Variants in AKTIP observed in about 807,000 individuals in gnomAD.
AKTIP encodes the protein AKT-interacting protein.
A neutral mutation model predicts 39.1 loss-of-function variants in AKTIP; 16 were observed. The observed-to-expected ratio is 0.41, with a 90% confidence interval of 0.28 to 0.62. The LOEUF (loss-of-function observed/expected upper bound fraction) is 0.62, where lower values mean the gene tolerates loss of function less well. Ranked by LOEUF, AKTIP falls within the 20% of genes least tolerant of loss-of-function variation. The pLI, the probability that AKTIP is intolerant of heterozygous loss-of-function variation, is 0.32. For synonymous variants in AKTIP, 93 were observed against 124.3 expected (o/e 0.75, Z 1.67); for missense variants, 262 against 356.6 (o/e 0.73, Z 2.14).
At chr16:53,503,985 G>A (rs903203639), upstream of AKTIP, among the ~76,000 whole-genome samples, 3 of 152,158 alleles carry the variant, frequency 2.0e-5, no homozygotes, top group African/African-American at 4.8e-5. Flanking sequence ...CTGGGGGGAG[G>A]GGGGAGGCTG....
At position 53,494,761 on chromosome 16, in the gene AKTIP, T is replaced by C. The variant is rs542837403; in HGVS notation, c.415-156A>G. On this transcript the variant is annotated intron_variant, in intron 5 of 9. Coordinates refer to ENST00000394657, the MANE Select transcript of AKTIP (RefSeq NM_022476.4). ...AGGGCTACTTAACTACTTTTACCAT[T>C]TTCCTGAAAAACTAAATTTTGCAAT... 1.9e-4 allele frequency: 150 copies of C among 798,042 alleles called. No individual in the cohort carries two copies. The African/African-American group carries it at 2.5e-3, about 13-fold the overall frequency. 49.4% of individuals were successfully genotyped at this position (798,042 alleles called of 1,614,324 possible).
At position 53,497,408 on chromosome 16, in the gene AKTIP, G is replaced by C. The variant is rs190662088; in HGVS notation, c.248+983C>G. On this transcript the variant is annotated intron_variant, in intron 3 of 9. Transcript: ENST00000394657. ...TAGAATTGCTAAGTCCTGCCTTTGG[G>C]GGTCATACAGAATAAGATCCTTCCT... is the stretch of plus-strand genomic sequence containing the variant. Among the ~76,000 whole-genome samples the C allele has an allele frequency of 1.1e-4, 17 of 152,252 alleles. No homozygotes were observed. The East Asian group carries it at 3.3e-3, about 29-fold the overall frequency.
intron 1 of AKTIP, among the ~76,000 whole-genome samples, chr16:53,502,227 G>C (rs1962209258): frequency 6.6e-6 from 1 of 152,224 alleles, no homozygotes. Context: ...GTTTCCAGCA[G>C]CAACATAATC....
In AKTIP at chr16:53,498,533, G is replaced by T; in HGVS notation, c.106C>A (p.Pro36Thr). 1 of 1,614,088 alleles carries T rather than the reference G, an allele frequency of 6.2e-7. No individual in the cohort carries two copies. The highest frequency in any genetic ancestry group is 8.5e-7 in the Non-Finnish European group (1 of 1,179,944). Reference protein sequence around the residue: ...DVKTSPPRTAPKKQLPSIPKN... With the variant: ...DVKTSPPRTATKKQLPSIPKN... ...GGAATAGAAGGCAGCTGTTTCTTTG[G>T]TGCAGTTCGTGGAGGACTGGTTTTC... Residue 36 changes from proline to threonine, a missense_variant, in exon 3 of 10, where the codon CCA (proline) becomes ACA (threonine). By Grantham distance (38) the Pro-to-Thr change is conservative. Transcript: ENST00000394657.
chr16:53,493,607 G>A (rs930751716), intron 8 of AKTIP: 1 of 155,430 alleles, frequency 6.4e-6, no homozygotes, highest in Non-Finnish European at 1.4e-5. Context: ...GCCTGGCCAT[G>A]AGTCCAAGCT....
chr16:53,502,866 G>C (rs926773756), intron 1 of AKTIP: 6 of 152,070 alleles, frequency 3.9e-5, no homozygotes, highest in Non-Finnish European at 8.8e-5. Context: ...GGCACGGGCC[G>C]GGGCGAGCCA....
rs753201275 is a variant in AKTIP, at chr16:53,495,164, C to G, written c.323G>C (p.Gly108Ala). ...AAGTCCATGCCGTATGAATATTACT[C>G]CAAACCACACTGTAGGAAAAAATAA... Reference protein sequence around the residue: ...PSYRSALMWFGVIFIRHGLYQ... With the variant: ...PSYRSALMWFAVIFIRHGLYQ... The change falls in exon 5 of 10, where the codon GGA becomes GCA. Residue 108 changes from glycine (G) to alanine (A), a missense_variant. By Grantham distance (60) the Gly-to-Ala change is moderately conservative. Around this residue, in one of 4 missense-constraint regions of AKTIP, gnomAD observed 88 missense variants for 132.1 expected, o/e 0.67. Coordinates refer to ENST00000394657, the MANE Select transcript of AKTIP (RefSeq NM_022476.4). The G allele has an allele frequency of 1.4e-5, 22 of 1,613,256 alleles. No individual in the cohort carries two copies. The highest frequency in any genetic ancestry group is 1.8e-5 in the Non-Finnish European group (21 of 1,179,498).
chr16:53,495,390 C>A, intron 3 of AKTIP, 64 bp from the exon 4 acceptor site: 1 of 1,500,580 alleles, frequency 6.7e-7, no homozygotes, highest in East Asian at 2.3e-5. Flanking sequence ...TCAAACCACC[C>A]CACATTCACT....
At chr16:53,494,095 G>A in intron 8 of AKTIP, 43 bp downstream of exon 8, 1 of 1,428,418 alleles carries the variant, frequency 7.0e-7, no homozygotes, top group African/African-American at 1.4e-5. Flanking sequence ...GCAGTGTATT[G>A]GAAAGGACAG....
At chr16:53,500,810 T>C (rs1962123167) in intron 1 of AKTIP, among the ~76,000 whole-genome samples, 2 of 152,346 alleles carry the variant, frequency 1.3e-5, no homozygotes, top group Non-Finnish European at 1.5e-5. Context: ...TTTCCTTCTA[T>C]ACCCACCTCC....
At chr16:53,503,758 C>T (rs1020299103), upstream of AKTIP, among the ~76,000 whole-genome samples, 1 of 152,202 alleles carries the variant, frequency 6.6e-6, no homozygotes, top group Non-Finnish European at 1.5e-5. Context: ...CTGCGAGGCC[C>T]GAGGCCGCCA....
intron 3 of AKTIP, among the ~76,000 whole-genome samples, chr16:53,496,499 CTTTT>C (rs576422100): frequency 2.5e-5 from 2 of 79,020 alleles, no homozygotes; most frequent in Non-Finnish European, 5.2e-5. Flanking sequence ...GTCAAGGATG[CTTTT>C]TTTTTTTTTT....
chr16:53,492,391 G>A lies in AKTIP; in HGVS notation c.*21C>T, dbSNP rs746369835. The A allele has an allele frequency of 6.2e-6, 10 of 1,602,712 alleles. No individual in the cohort carries two copies. The highest frequency in any genetic ancestry group is 8.5e-6 in the Non-Finnish European group (10 of 1,171,578). On this transcript the variant is annotated 3_prime_UTR_variant, in exon 10 of 10. Transcript: ENST00000394657. ...CCAGAGTCTAGCAGGAAAGTGCATGGTGCACCAGATTCACCATCTCTTAAG... is the reference window on the plus strand; with the variant it reads ...CCAGAGTCTAGCAGGAAAGTGCATGATGCACCAGATTCACCATCTCTTAAG...
At chr16:53,495,429 C>A in intron 3 of AKTIP, 103 bp from the exon 4 acceptor site, 1 of 1,056,676 alleles carries the variant, frequency 9.5e-7, no homozygotes, top group Admixed American at 2.0e-5. Context: ...CCTCAATGGG[C>A]AGCTGATGCC....
At chr16:53,500,114 A>T in intron 2 of AKTIP, 104 bp downstream of exon 2, 1 of 810,190 alleles carries the variant, frequency 1.2e-6, no homozygotes, top group Non-Finnish European at 2.0e-6. Flanking sequence ...AATTTTGTCA[A>T]GATTACAGGT....
intron 5 of AKTIP, 105 bp from the exon 6 acceptor site, chr16:53,494,710 A>G: frequency 1.8e-6 from 2 of 1,136,132 alleles, no homozygotes; most frequent in Non-Finnish European, 2.5e-6. Flanking sequence ...CAGTCACGTT[A>G]TTTAAAGCTA....
At chr16:53,500,960 C>T (rs1013685215) in intron 1 of AKTIP, 4 of 152,204 alleles carry the variant, frequency 2.6e-5, no homozygotes, top group Admixed American at 6.5e-5. Flanking sequence ...ACAGTTGTTA[C>T]TAGCACATCT....
At chr16:53,504,014 C>G (rs1962335501), upstream of AKTIP, among the ~76,000 whole-genome samples, 1 of 151,470 alleles carries the variant, frequency 6.6e-6, no homozygotes, top group Admixed American at 6.6e-5. Context: ...GAATCCACAT[C>G]TGTCACAGTT....
Position 53,495,124 on chromosome 16 carries a change from T to G in AKTIP, c.363A>C (p.Val121=), listed in dbSNP as rs767526644. The change falls in exon 5 of 10, where the codon GTA becomes GTC. Residue 121 remains valine, a synonymous_variant. Coordinates refer to ENST00000394657, the MANE Select transcript of AKTIP (RefSeq NM_022476.4). The part of the protein sequence containing the change: ...FIRHGLYQDG[V]FKFTVYIPDN... ...CAGGGATGTAAACTGTAAACTTAAA[T>G]ACGCCATCTTGGTAAAGTCCATGCC... The G allele has an allele frequency of 6.8e-6, 11 of 1,614,196 alleles. No individual in the cohort carries two copies. Among genetic ancestry groups the G allele is most frequent in the Non-Finnish European group, 9.3e-6 (11 of 1,180,024 alleles).
Sources: gnomAD v4.1 joint callset for allele counts (sites outside exome capture counted in the v4.1 genomes callset) on GRCh38, gnomAD v4.1.1 for gene constraint, gnomAD v4.1.1 regional missense constraint, MANE v1.5 for transcripts, NCBI Gene and HGNC (gene_info 2026-07-23, HGNC 2026-07-21) for gene names.